SH3GLB1: variants seen among roughly 807,000 people sequenced by gnomAD.
The protein encoded by SH3GLB1 is SH3 domain containing GRB2 like, endophilin B1, also known as endophilin-B1.
A neutral mutation model predicts 42.0 loss-of-function variants in SH3GLB1; 17 were observed. The observed-to-expected ratio is 0.40, with a 90% CI of 0.28 to 0.61. The LOEUF (loss-of-function observed/expected upper bound fraction) is 0.61, where lower values mean the gene tolerates loss of function less well. Ranked by LOEUF, SH3GLB1 falls within the 20% of genes least tolerant of loss-of-function variation. The probability of loss-of-function intolerance (pLI) is 0.36; values close to 1 mark genes in which losing one functional copy is unlikely to be tolerated. For synonymous variants in SH3GLB1, 132 were observed against 146.6 expected (o/e 0.90, Z 0.72); for missense variants, 355 against 426.3 (o/e 0.83, Z 1.47).
At position 86,747,784 on chromosome 1, in the gene SH3GLB1, G is replaced by C. The variant is rs1237283379; in HGVS notation, c.*4549G>C. 6.6e-6 allele frequency: 1 copy of C among 152,178 alleles called. No homozygotes were observed. Among genetic ancestry groups the C allele is most frequent in the African/African-American group, 2.4e-5 (1 of 41,420 alleles). 9.4% of individuals were successfully genotyped at this position (152,178 alleles called of 1,614,324 possible). The stretch of plus-strand genomic sequence containing the variant: ...TGTACATCCCTGTGCCTCTTAGATT[G>C]CTAAGTTCTGCTCTCATTCTTACTT... On this transcript the variant is annotated 3_prime_UTR_variant, in exon 9 of 9. Transcript: ENST00000370558.
intron 3 of SH3GLB1, among the ~76,000 whole-genome samples, chr1:86,722,312 T>C (rs1168155297): frequency 1.3e-5 from 2 of 152,166 alleles, no homozygotes; most frequent in Non-Finnish European, 1.5e-5. Flanking sequence ...GGTACAATTA[T>C]CTATGCTACA....
rs1653865428 is a variant in SH3GLB1 at position 86,706,322 on chromosome 1, G to A, written c.72+1351G>A. On this transcript the variant is annotated intron_variant, in intron 1 of 8. Coordinates refer to ENST00000370558, the MANE Select transcript of SH3GLB1 (RefSeq NM_016009.5). ...CCTAGAGAGACCTTAAAAATCATCT[G>A]GTTCAATCTGAGCATTTCCATATCA... Among the ~76,000 whole-genome samples the A allele has an allele frequency of 3.3e-5, 5 of 152,266 alleles. 1 individual carries two copies. The South Asian group carries it at 8.3e-4, about 25-fold the overall frequency.
Position 86,746,432 on chromosome 1 carries a change from A to G in SH3GLB1, c.*3197A>G, listed in dbSNP as rs1656300317. ...CAGTGAGGTGCTGTAATGGAGAGAT[A>G]GCTTCATAGTTTAGCCTATAGCCAA... On this transcript the variant is annotated 3_prime_UTR_variant, in exon 9 of 9. Coordinates refer to ENST00000370558, the MANE Select transcript of SH3GLB1 (RefSeq NM_016009.5). The G allele has an allele frequency of 6.6e-6, 1 of 152,224 alleles. No individual in the cohort carries two copies. The highest frequency in any genetic ancestry group is 1.5e-5 in the Non-Finnish European group (1 of 68,046). 9.4% of individuals were successfully genotyped at this position (152,224 alleles called of 1,614,324 possible). A position where few individuals can be genotyped will look rare whatever the true frequency, so the allele number is the denominator to read the frequency against.
At position 86,747,932 on chromosome 1, in the gene SH3GLB1, A is replaced by G. The variant is rs193042715; in HGVS notation, c.*4697A>G. 6.6e-6 allele frequency: 1 copy of G among 152,336 alleles called. No homozygotes were observed. Among genetic ancestry groups the G allele is most frequent in the Admixed American group, 6.5e-5 (1 of 15,304 alleles). 9.4% of individuals were successfully genotyped at this position (152,336 alleles called of 1,614,324 possible). ...ACTGATAATTCCATCATCCAGGGAG[A>G]ACCACTGTTATTTAAGTATATGGCC... On this transcript the variant is annotated 3_prime_UTR_variant, in exon 9 of 9. Transcript: ENST00000370558.
chr1:86,739,952 C>T (rs1655975941), intron 7 of SH3GLB1, among the ~76,000 whole-genome samples: 1 of 151,956 alleles, frequency 6.6e-6, no homozygotes, highest in African/African-American at 2.4e-5. Context: ...TGAGATTAGC[C>T]TGGTCAATAT....
intron 7 of SH3GLB1, among the ~76,000 whole-genome samples, chr1:86,741,952 T>G (rs903386120): frequency 1.3e-5 from 2 of 152,268 alleles, no homozygotes; most frequent in East Asian, 3.9e-4. Context: ...GCCATTAATT[T>G]TAAGTTAATA....
intron 1 of SH3GLB1, among the ~76,000 whole-genome samples, chr1:86,705,784 T>C (rs1653827698): frequency 6.6e-6 from 1 of 152,258 alleles, no homozygotes; most frequent in Non-Finnish European, 1.5e-5. Flanking sequence ...GCCAACTCAG[T>C]AAATCTGTGA....
chr1:86,730,409 G>A, intron 5 of SH3GLB1: 1 of 977,538 alleles, frequency 1.0e-6, no homozygotes, highest in South Asian at 4.7e-5. Context: ...GCTTGTTAAT[G>A]ATTTTTTTAA....
intron 6 of SH3GLB1, 77 bp from the exon 7 acceptor site, chr1:86,735,002 T>G (rs1655711103): frequency 9.7e-7 from 1 of 1,031,050 alleles, no homozygotes; most frequent in Admixed American, 1.8e-5. Flanking sequence ...AGTACAATAT[T>G]GTGGTCTGTC....
chr1:86,714,524 T>C (rs1654399749), intron 1 of SH3GLB1, among the ~76,000 whole-genome samples: 1 of 152,170 alleles, frequency 6.6e-6, no homozygotes, highest in Non-Finnish European at 1.5e-5. Flanking sequence ...GGAGCCTCAG[T>C]GGAGATTGTA....
chr1:86,723,343 C>T (rs552058346), intron 4 of SH3GLB1, among the ~76,000 whole-genome samples: 1 of 152,038 alleles, frequency 6.6e-6, no homozygotes, highest in Non-Finnish European at 1.5e-5. Context: ...GAAACCCCGT[C>T]TCTACTAAAA....
chr1:86,739,815 T>C (rs962300450), intron 7 of SH3GLB1, among the ~76,000 whole-genome samples: 1 of 151,972 alleles, frequency 6.6e-6, no homozygotes, highest in Non-Finnish European at 1.5e-5. Flanking sequence ...TGTGCACATA[T>C]GGAGGAATTA....
chr1:86,743,057 C>A (rs756752510), intron 8 of SH3GLB1, 71 bp from the exon 9 acceptor site: 11 of 1,189,396 alleles, frequency 9.2e-6, no homozygotes, highest in South Asian at 4.0e-5. Context: ...AAATTAAATA[C>A]AAATCTGATT....
chr1:86,728,536 T>C, intron 5 of SH3GLB1: 2 of 1,144,042 alleles, frequency 1.7e-6, no homozygotes, highest in Non-Finnish European at 2.5e-6. Context: ...AAGTGCCTTC[T>C]CTTGCTATTA....
intron 5 of SH3GLB1, among the ~76,000 whole-genome samples, chr1:86,732,231 C>T (rs558973563): frequency 8.1e-4 from 124 of 152,296 alleles, no homozygotes; most frequent in African/African-American, 2.8e-3. Context: ...ATCTTGATAT[C>T]GTGGGCCAAC....
intron 7 of SH3GLB1, among the ~76,000 whole-genome samples, chr1:86,737,579 C>T (rs1346894009): frequency 6.6e-6 from 1 of 152,094 alleles, no homozygotes; most frequent in African/African-American, 2.4e-5. Context: ...ACTATTTCAC[C>T]CTTTATCCAT....
At chr1:86,711,244 T>A (rs1378270594) in intron 1 of SH3GLB1, among the ~76,000 whole-genome samples, 1 of 152,030 alleles carries the variant, frequency 6.6e-6, no homozygotes, top group Non-Finnish European at 1.5e-5. Flanking sequence ...TTTTTTTTTC[T>A]AAAAGTAGAG....
chr1:86,719,226 C>T (rs1054487560), intron 2 of SH3GLB1, among the ~76,000 whole-genome samples: 2 of 152,142 alleles, frequency 1.3e-5, no homozygotes, highest in Non-Finnish European at 2.9e-5. Flanking sequence ...GTGAATTAAT[C>T]AGTCCTTTTC....
chr1:86,710,656 C>G (rs1280685103), intron 1 of SH3GLB1, among the ~76,000 whole-genome samples: 2 of 152,160 alleles, frequency 1.3e-5, no homozygotes, highest in Non-Finnish European at 2.9e-5. Context: ...AGTTGCTTTG[C>G]TACTATATTT....
Sources: gnomAD v4.1 joint callset for allele counts (sites outside exome capture counted in the v4.1 genomes callset) on GRCh38, gnomAD v4.1.1 for gene constraint, MANE v1.5 for transcripts, NCBI Gene and HGNC (gene_info 2026-07-23, HGNC 2026-07-21) for gene names.